NDE1: variants seen among roughly 807,000 people sequenced by gnomAD.
NDE1 encodes nuclear distribution protein nudE homolog 1.
Under a neutral mutation model 43.4 loss-of-function variants are expected in NDE1, and 28 were observed. The observed-to-expected ratio is 0.65, with a 90% CI of 0.48 to 0.89. NDE1 has a LOEUF of 0.89. Ranked by LOEUF, NDE1 falls within the 40% of genes least tolerant of loss-of-function variation. The pLI is 0.00. For synonymous variants in NDE1, 184 were observed against 172.0 expected (o/e 1.07, Z -0.55); for missense variants, 441 against 434.1 (o/e 1.02, Z -0.14).
intron 3 of NDE1, among the ~76,000 whole-genome samples, chr16:15,674,936 C>T (rs946853308): frequency 2.2e-4 from 34 of 152,134 alleles, no homozygotes; most frequent in African/African-American, 6.7e-4. Context: ...CTTTGTAATA[C>T]GGTGATAATG....
chr16:15,699,391 C>T (rs1450727504), intron 8 of NDE1, among the ~76,000 whole-genome samples: 1 of 151,970 alleles, frequency 6.6e-6, no homozygotes, highest in Non-Finnish European at 1.5e-5. Flanking sequence ...TACCAAGTAG[C>T]TGGGACTACA....
upstream of NDE1, among the ~76,000 whole-genome samples, chr16:15,647,087 G>A (rs1033226180): frequency 6.6e-6 from 1 of 152,224 alleles, no homozygotes; most frequent in East Asian, 1.9e-4. Context: ...GGCATCAGAC[G>A]TAGTAAAGTG....
intron 8 of NDE1, chr16:15,713,619 C>T (rs539022842): frequency 6.6e-6 from 1 of 152,248 alleles, no homozygotes; most frequent in African/African-American, 2.4e-5. Flanking sequence ...CCTCAGCCTC[C>T]TGAGTAGCTG....
intron 8 of NDE1, chr16:15,718,875 C>G (rs1185970897): frequency 2.4e-6 from 1 of 415,126 alleles, no homozygotes; most frequent in African/African-American, 2.0e-5. Context: ...CACCTGTAAT[C>G]ACAGCACTTT....
At chr16:15,692,732 A>G (rs1472601256) in intron 6 of NDE1, among the ~76,000 whole-genome samples, 1 of 150,850 alleles carries the variant, frequency 6.6e-6, no homozygotes, top group African/African-American at 2.4e-5. Flanking sequence ...CATTTTGCAT[A>G]CTTTATTTCA....
At chr16:15,692,676 G>C (rs2038810927) in intron 6 of NDE1, among the ~76,000 whole-genome samples, 1 of 152,016 alleles carries the variant, frequency 6.6e-6, no homozygotes, top group South Asian at 2.1e-4. Flanking sequence ...CCTGAAAGTG[G>C]TGGTATTACA....
chr16:15,687,544 T>G, intron 5 of NDE1, 33 bp downstream of exon 5: 1 of 1,572,218 alleles, frequency 6.4e-7, no homozygotes, highest in Non-Finnish European at 8.8e-7. Context: ...ACCAGCATGG[T>G]CCCCTCTCCC....
chr16:15,722,215 G>A (rs1296832257), intron 8 of NDE1, among the ~76,000 whole-genome samples: 3 of 152,092 alleles, frequency 2.0e-5, no homozygotes, highest in Non-Finnish European at 4.4e-5. Flanking sequence ...GCACACTGAG[G>A]TCAAAGTGAG....
intron 8 of NDE1, among the ~76,000 whole-genome samples, chr16:15,705,227 C>T (rs1177460756): frequency 6.6e-6 from 1 of 152,204 alleles, no homozygotes; most frequent in Non-Finnish European, 1.5e-5. Context: ...AACGATCCAC[C>T]TGTCTTAGCC....
intron 4 of NDE1, among the ~76,000 whole-genome samples, chr16:15,681,010 T>A (rs2151080833): frequency 6.6e-6 from 1 of 151,966 alleles, no homozygotes. Context: ...AGGTCATCAG[T>A]TACATCTTTT....
chr16:15,663,089 A>G (rs886286984), intron 1 of NDE1, among the ~76,000 whole-genome samples: 1 of 151,758 alleles, frequency 6.6e-6, no homozygotes. Context: ...TAGCCCCTTT[A>G]TTTCAGTCTG....
At chr16:15,693,839 C>A (rs1253526855) in intron 6 of NDE1, among the ~76,000 whole-genome samples, 1 of 152,124 alleles carries the variant, frequency 6.6e-6, no homozygotes, top group Non-Finnish European at 1.5e-5. Context: ...ACTCAAGAGG[C>A]CAAGGCAGGA....
intron 3 of NDE1, among the ~76,000 whole-genome samples, chr16:15,673,875 G>C (rs946324734): frequency 6.6e-6 from 1 of 152,272 alleles, no homozygotes; most frequent in African/African-American, 2.4e-5. Context: ...GGAACGGGCA[G>C]GTGATCTGGA....
At chr16:15,700,060 G>T in intron 8 of NDE1, 1 of 1,170,382 alleles carries the variant, frequency 8.5e-7, no homozygotes. Context: ...GGGACAAAAG[G>T]GGCTCTCTGG....
Position 15,725,145 on chromosome 16 carries a change from A to C in NDE1, c.*894A>C, listed in dbSNP as rs1040571292. ...GTATGGGACTCTGATAAAAAAAAAA[A>C]AAAACACACACACACACAAAAAAAA... On this transcript the variant is annotated 3_prime_UTR_variant, in exon 9 of 9. Transcript: ENST00000396354. 1.4e-5 allele frequency: 9 copies of C among 661,792 alleles called. No homozygotes were observed. The highest frequency in any genetic ancestry group is 1.0e-4 in the South Asian group (6 of 57,944). The allele number at this position is 661,792 out of a possible 1,614,324, so 41.0% of individuals were successfully genotyped here. A position where few individuals can be genotyped will look rare whatever the true frequency, so the allele number is the denominator to read the frequency against.
intron 8 of NDE1, chr16:15,719,613 A>G: frequency 6.2e-7 from 1 of 1,614,184 alleles, no homozygotes; most frequent in South Asian, 1.1e-5. Context: ...GTCTGCTTCC[A>G]AGCTCTTGGC....
rs536479840 is a variant in NDE1 at position 15,705,606 on chromosome 16, G to C, written c.947+8746G>C. Among the ~76,000 whole-genome samples the C allele has an allele frequency of 3.9e-5, 6 of 152,250 alleles. No homozygotes were observed. In the East Asian group the frequency reaches 9.7e-4, roughly 25 times the overall value. ...TCTTATTTTAGGACATCAAAGAAGA[G>C]AGCAGACTTTTGCTCCCCACGCAAG... is the stretch of plus-strand genomic sequence containing the variant. On this transcript the variant is annotated intron_variant, in intron 8 of 8. Transcript: ENST00000396354.
chr16:15,715,189 T>C (rs199514546), intron 8 of NDE1: 1 of 1,614,010 alleles, frequency 6.2e-7, no homozygotes, highest in East Asian at 2.2e-5. Flanking sequence ...CTCGGCCATC[T>C]TGCGCTCGTC....
At chr16:15,712,484 CTAAAAATA>C (rs1307713230) in intron 8 of NDE1, among the ~76,000 whole-genome samples, 1 of 151,962 alleles carries the variant, frequency 6.6e-6, no homozygotes, top group African/African-American at 2.4e-5. Flanking sequence ...CCCATCTCTA[CTAAAAATA>C]TAAAAATAGG....
Sources: gnomAD v4.1 joint callset for allele counts (sites outside exome capture counted in the v4.1 genomes callset) on GRCh38, gnomAD v4.1.1 for gene constraint, MANE v1.5 for transcripts, NCBI Gene and HGNC (gene_info 2026-07-23, HGNC 2026-07-21) for gene names.